The following LRRC69 variants were observed in gnomAD, a reference collection of about 807,000 sequenced individuals.
The protein encoded by LRRC69 is leucine-rich repeat-containing protein 69.
Under a neutral mutation model 37.8 loss-of-function variants are expected in LRRC69, and 42 were observed. The observed-to-expected ratio is 1.11, with a 90% CI of 0.87 to 1.44. The LOEUF (loss-of-function observed/expected upper bound fraction) is 1.44, where lower values mean the gene tolerates loss of function less well. Ranked by LOEUF, LRRC69 falls within the 40% of genes most tolerant of loss-of-function variation. The pLI is 0.00. For synonymous variants in LRRC69, 141 were observed against 143.1 expected (o/e 0.99, Z 0.11); for missense variants, 357 against 401.9 (o/e 0.89, Z 0.96).
At chr8:91,210,565 A>C (rs1229784198) in intron 7 of LRRC69, among the ~76,000 whole-genome samples, 2 of 39,002 alleles carry the variant, frequency 5.1e-5, no homozygotes, top group Non-Finnish European at 1.6e-4. Flanking sequence ...ACACACAGAC[A>C]CACACACACA....
chr8:91,135,091 A>G (rs917455616), intron 4 of LRRC69, among the ~76,000 whole-genome samples: 2 of 152,076 alleles, frequency 1.3e-5, no homozygotes, highest in Admixed American at 1.3e-4. Context: ...CCCTTATATC[A>G]TAACATGAGA....
intron 4 of LRRC69, among the ~76,000 whole-genome samples, chr8:91,134,309 C>G (rs930274956): frequency 1.3e-5 from 2 of 151,392 alleles, no homozygotes; most frequent in Admixed American, 6.6e-5. Flanking sequence ...ACCAGGGAAG[C>G]AAACGGTGTA....
At chr8:91,184,552 G>C (rs944674236) in intron 5 of LRRC69, among the ~76,000 whole-genome samples, 6 of 152,126 alleles carry the variant, frequency 3.9e-5, no homozygotes, top group African/African-American at 1.4e-4. Context: ...CTCTCTTTCA[G>C]CTGCTGTGTC....
intron 5 of LRRC69, among the ~76,000 whole-genome samples, chr8:91,149,395 A>G (rs1239240238): frequency 6.6e-6 from 1 of 151,974 alleles, no homozygotes; most frequent in Non-Finnish European, 1.5e-5. Context: ...AGGTGGTTGT[A>G]CATATGCGGC....
intron 5 of LRRC69, among the ~76,000 whole-genome samples, chr8:91,154,013 A>G (rs1808788977): frequency 6.6e-6 from 1 of 151,712 alleles, no homozygotes; most frequent in Non-Finnish European, 1.5e-5. Flanking sequence ...AATAGGCTCA[A>G]TGAAAACTAC....
At chr8:91,197,611 T>C (rs36139266) in intron 6 of LRRC69, among the ~76,000 whole-genome samples, 7,909 of 152,228 alleles carry the variant, frequency 0.052, 276 homozygotes, top group Middle Eastern at 0.16. Flanking sequence ...ATTTTCCAGA[T>C]GCCGTCCGAC....
At chr8:91,200,848 C>A (rs1586284063) in intron 7 of LRRC69, 56 bp downstream of exon 7, 1 of 1,416,226 alleles carries the variant, frequency 7.1e-7, no homozygotes, top group East Asian at 2.8e-5. Flanking sequence ...ATCCTTTGTT[C>A]TTATCTAAAT....
intron 5 of LRRC69, among the ~76,000 whole-genome samples, chr8:91,149,096 C>T (rs1808678527): frequency 6.6e-6 from 1 of 151,750 alleles, no homozygotes; most frequent in Non-Finnish European, 1.5e-5. Context: ...AATTAGATCC[C>T]ATTTGTCAAT....
chr8:91,150,297 G>A (rs1234398022), intron 5 of LRRC69, among the ~76,000 whole-genome samples: 22 of 152,016 alleles, frequency 1.4e-4, no homozygotes, highest in South Asian at 6.2e-4. Context: ...AGCATGAAGC[G>A]TTGTTGAATT....
chr8:91,181,635 C>T (rs1287793877), intron 5 of LRRC69, among the ~76,000 whole-genome samples: 2 of 151,976 alleles, frequency 1.3e-5, no homozygotes, highest in Non-Finnish European at 2.9e-5. Context: ...AGAGATAAGA[C>T]CCATGCAAAT....
intron 3 of LRRC69, among the ~76,000 whole-genome samples, chr8:91,128,705 G>A (rs1813759686): frequency 6.6e-6 from 1 of 152,038 alleles, no homozygotes; most frequent in Non-Finnish European, 1.5e-5. Context: ...TATTAGGGTT[G>A]AGTAAGTGCT....
At chr8:91,130,031 A>T (rs915901557) in intron 3 of LRRC69, among the ~76,000 whole-genome samples, 3 of 151,986 alleles carry the variant, frequency 2.0e-5, no homozygotes, top group Non-Finnish European at 2.9e-5. Flanking sequence ...CACCAATAAG[A>T]TGTAGAACAT....
intron 5 of LRRC69, among the ~76,000 whole-genome samples, chr8:91,171,314 C>T (rs1809127136): frequency 6.7e-6 from 1 of 149,724 alleles, no homozygotes; most frequent in South Asian, 2.1e-4. Flanking sequence ...TCCATGTATA[C>T]ATTTATATTG....
At chr8:91,199,002 A>G (rs2130626605) in intron 6 of LRRC69, among the ~76,000 whole-genome samples, 2 of 152,330 alleles carry the variant, frequency 1.3e-5, no homozygotes, top group East Asian at 3.9e-4. Flanking sequence ...TGCAACAAAC[A>G]TGTTTGGGTC....
chr8:91,157,330 T>A, intron 5 of LRRC69: 4 of 1,608,676 alleles, frequency 2.5e-6, no homozygotes, highest in Non-Finnish European at 3.4e-6. Context: ...AACATTCACC[T>A]ATGAATGGAC....
chr8:91,110,513 A>C (rs10111107), intron 1 of LRRC69, among the ~76,000 whole-genome samples: 95,128 of 151,180 alleles, frequency 0.63, 30,687 homozygotes, highest in African/African-American at 0.74. Context: ...GTGATGCATA[A>C]CTGTAATCCC....
At chr8:91,126,167 T>G (rs1022432988) in intron 2 of LRRC69, among the ~76,000 whole-genome samples, 2 of 152,036 alleles carry the variant, frequency 1.3e-5, no homozygotes, top group Admixed American at 6.6e-5. Flanking sequence ...ATAACCTTGT[T>G]GCATTACATG....
intron 5 of LRRC69, chr8:91,158,885 TTG>T (rs1808886408): frequency 1.6e-6 from 1 of 606,348 alleles, no homozygotes; most frequent in African/African-American, 1.9e-5. Flanking sequence ...ACATACAACT[TTG>T]TGCATTTGTG....
intron 5 of LRRC69, among the ~76,000 whole-genome samples, chr8:91,164,995 C>T (rs576686333): frequency 3.3e-5 from 5 of 151,808 alleles, no homozygotes; most frequent in Admixed American, 6.6e-5. Flanking sequence ...ACCTCCCTAA[C>T]TCCTATAGGC....
Sources: allele counts gnomAD v4.1 joint callset (sites outside exome capture counted in the v4.1 genomes callset), GRCh38; gene constraint gnomAD v4.1.1; transcripts MANE v1.5; gene names NCBI Gene and HGNC (gene_info 2026-07-23, HGNC 2026-07-21).